The following DSCAM variants were observed in gnomAD, a reference collection of about 807,000 sequenced individuals.
DSCAM encodes the protein cell adhesion molecule DSCAM.
Under a neutral mutation model 217.7 loss-of-function variants are expected in DSCAM, and 47 were observed. That is an observed-to-expected ratio of 0.22 (90% CI 0.17 to 0.28). The LOEUF (loss-of-function observed/expected upper bound fraction) is 0.28, where lower values mean the gene tolerates loss of function less well. DSCAM is among the 10% of genes least tolerant of loss of function. DSCAM has a pLI of 1.00. For synonymous variants in DSCAM, 1,056 were observed against 1,015.3 expected (o/e 1.04, Z -0.76); for missense variants, 2,080 against 2,618.3 (o/e 0.79, Z 4.49).
intron 3 of DSCAM, among the ~76,000 whole-genome samples, chr21:40,447,080 C>A (rs1171091094): frequency 6.6e-6 from 1 of 152,122 alleles, no homozygotes; most frequent in Non-Finnish European, 1.5e-5. Context: ...GTGTGGGATG[C>A]AGATGAGATC....
intron 3 of DSCAM, among the ~76,000 whole-genome samples, chr21:40,536,696 GCA>G (rs1568887315): frequency 5.9e-5 from 9 of 152,210 alleles, no homozygotes; most frequent in Non-Finnish European, 1.2e-4. Context: ...GTGAGCCACT[GCA>G]CCCGGTCCCG....
chr21:40,796,388 C>T (rs1021800056), intron 1 of DSCAM, among the ~76,000 whole-genome samples: 1 of 152,228 alleles, frequency 6.6e-6, no homozygotes, highest in East Asian at 1.9e-4. Flanking sequence ...GGCCAACAGT[C>T]AGTCCAACAC....
intron 10 of DSCAM, among the ~76,000 whole-genome samples, chr21:40,286,926 C>A (rs952631197): frequency 2.6e-5 from 4 of 151,864 alleles, no homozygotes; most frequent in Admixed American, 2.0e-4. Context: ...GCAGTATGAT[C>A]CACGTTGTGA....
At chr21:40,133,617 CAA>C (rs67478168) in intron 19 of DSCAM, among the ~76,000 whole-genome samples, 3 of 149,214 alleles carry the variant, frequency 2.0e-5, no homozygotes, top group East Asian at 2.0e-4. Flanking sequence ...AAACAAAAAA[CAA>C]AAAAAAAGAA....
At chr21:40,762,125 G>T (rs545657122) in intron 1 of DSCAM, among the ~76,000 whole-genome samples, 26 of 152,194 alleles carry the variant, frequency 1.7e-4, no homozygotes, top group African/African-American at 6.0e-4. Flanking sequence ...CAGAACTGAA[G>T]GAGTTAGACA....
At chr21:40,715,448 G>A (rs1238637907) in intron 1 of DSCAM, among the ~76,000 whole-genome samples, 1 of 152,196 alleles carries the variant, frequency 6.6e-6, no homozygotes, top group African/African-American at 2.4e-5. Flanking sequence ...CCAAAAGGTG[G>A]CAGAGAAAAA....
intron 32 of DSCAM, among the ~76,000 whole-genome samples, chr21:40,028,062 T>C (rs1227254542): frequency 2.2e-5 from 1 of 44,682 alleles, no homozygotes; most frequent in African/African-American, 8.7e-5. Flanking sequence ...CCTTTCTGTT[T>C]GTTAGTTTTC....
intron 1 of DSCAM, among the ~76,000 whole-genome samples, chr21:40,801,681 C>T (rs750553291): frequency 2.6e-5 from 4 of 152,154 alleles, no homozygotes; most frequent in Non-Finnish European, 5.9e-5. Flanking sequence ...GCTCAAGAGA[C>T]CCTAGGTATG....
At position 40,338,224 on chromosome 21, in the gene DSCAM, C is replaced by T; in HGVS notation, c.1660G>A (p.Glu554Lys). Residue 554 changes from glutamate to lysine, a missense_variant, in exon 8 of 33, where the codon GAG (glutamate) becomes AAG (lysine). Glu to Lys is a moderately conservative substitution (Grantham distance 56). This residue lies in a region of DSCAM where 218 missense variants were observed against 364.1 expected (regional missense o/e 0.60). Coordinates refer to ENST00000400454, the MANE Select transcript of DSCAM (RefSeq NM_001389.5). ...LPFNHRQVAF[E>K]NNGTLKLSDV... ...GAAAGTTTAAGAGTTCCATTGTTCT[C>T]AAATGCCACTTGGCGGTGGTTGAAA... 1 of 1,614,248 alleles carries T rather than the reference C, an allele frequency of 6.2e-7. No individual in the cohort carries two copies. The highest frequency in any genetic ancestry group is 8.5e-7 in the Non-Finnish European group (1 of 1,180,040).
At chr21:40,663,061 G>A (rs540530521) in intron 3 of DSCAM, among the ~76,000 whole-genome samples, 638 of 45,422 alleles carry the variant, frequency 0.014, 1 homozygote, top group Middle Eastern at 0.052. Context: ...GTGTGTGTGC[G>A]CACCTGTGTG....
chr21:40,536,851 T>G (rs1170947450), intron 3 of DSCAM, among the ~76,000 whole-genome samples: 1 of 152,244 alleles, frequency 6.6e-6, no homozygotes, highest in Non-Finnish European at 1.5e-5. Context: ...GAACTTGATT[T>G]AAAGCTCTCG....
intron 3 of DSCAM, among the ~76,000 whole-genome samples, chr21:40,592,569 T>C (rs1045520679): frequency 1.3e-5 from 2 of 152,170 alleles, no homozygotes; most frequent in African/African-American, 4.8e-5. Context: ...CCCTTCTTCC[T>C]GTTCTTCCAA....
intron 1 of DSCAM, among the ~76,000 whole-genome samples, chr21:40,833,652 G>A (rs2092030227): frequency 1.3e-5 from 2 of 152,294 alleles, no homozygotes; most frequent in South Asian, 4.1e-4. Flanking sequence ...AAAGAAAATA[G>A]CAAATAAAGT....
chr21:40,327,140 G>A (rs889630521), intron 8 of DSCAM, among the ~76,000 whole-genome samples: 1 of 151,980 alleles, frequency 6.6e-6, no homozygotes, highest in African/African-American at 2.4e-5. Flanking sequence ...TCATTATCAC[G>A]GCATTATTTT....
chr21:40,615,174 C>T (rs1284776818), intron 3 of DSCAM, among the ~76,000 whole-genome samples: 2 of 150,600 alleles, frequency 1.3e-5, no homozygotes, highest in East Asian at 2.0e-4. Context: ...CATGGTGGCA[C>T]ACACCTGTAA....
chr21:40,049,267 G>A (rs2088890837), intron 30 of DSCAM, among the ~76,000 whole-genome samples: 1 of 152,180 alleles, frequency 6.6e-6, no homozygotes, highest in Non-Finnish European at 1.5e-5. Flanking sequence ...GAAAGATGAG[G>A]ACAGCTGTTT....
At position 40,054,627 on chromosome 21, in the gene DSCAM, T is replaced by A. The variant is rs577835067; in HGVS notation, c.5035+1098A>T. ...CCTTCCAAAACAAACATAGCCAGGTTTGAAAAGAGGCAGCCTCGGAGCCTG... is the reference window on the plus strand; with the variant it reads ...CCTTCCAAAACAAACATAGCCAGGTATGAAAAGAGGCAGCCTCGGAGCCTG... On this transcript the variant is annotated intron_variant, in intron 29 of 32. Coordinates refer to ENST00000400454, the MANE Select transcript of DSCAM (RefSeq NM_001389.5). 1.1e-4 allele frequency among the ~76,000 whole-genome samples: 16 copies of A among 152,294 alleles called. No homozygotes were observed. In the East Asian group the frequency reaches 2.9e-3, roughly 28 times the overall value.
chr21:40,301,073 C>T (rs547748179), intron 9 of DSCAM, among the ~76,000 whole-genome samples: 1 of 152,272 alleles, frequency 6.6e-6, no homozygotes, highest in East Asian at 1.9e-4. Flanking sequence ...AATAACCTGC[C>T]AGCCAATTCT....
At chr21:40,416,945 G>T (rs1310710938) in intron 3 of DSCAM, among the ~76,000 whole-genome samples, 3 of 152,068 alleles carry the variant, frequency 2.0e-5, no homozygotes, top group African/African-American at 7.2e-5. Context: ...CATGTAACTA[G>T]CTATCATTAC....
Sources: allele counts gnomAD v4.1 joint callset (sites outside exome capture counted in the v4.1 genomes callset), GRCh38; gene constraint gnomAD v4.1.1; regional missense constraint gnomAD v4.1.1; transcripts MANE v1.5; gene names NCBI Gene and HGNC (gene_info 2026-07-23, HGNC 2026-07-21).